The following CSMD3 variants were observed in gnomAD, a reference collection of about 807,000 sequenced individuals.
CSMD3 encodes CUB and Sushi multiple domains 3, also known as CUB and sushi domain-containing protein 3.
In CSMD3, 177 loss-of-function variants were observed where a neutral mutation model predicts 435.2. That is an observed-to-expected ratio of 0.41 (90% CI 0.36 to 0.46). The LOEUF (loss-of-function observed/expected upper bound fraction) is 0.46, where lower values mean the gene tolerates loss of function less well. Among genes scored for constraint, CSMD3 ranks in the 20% least tolerant of loss-of-function variants. CSMD3 has a pLI of 0.34. For missense variants in CSMD3, 4,265 were observed against 4,504.6 expected (o/e 0.95, Z 1.52); for synonymous variants, 1,656 against 1,520.5 (o/e 1.09, Z -2.07).
chr8:112,551,402 CTGTTT>C (rs1469817468), intron 26 of CSMD3, among the ~76,000 whole-genome samples: 2 of 151,990 alleles, frequency 1.3e-5, no homozygotes, highest in African/African-American at 2.4e-5. Flanking sequence ...TAAATCTATT[CTGTTT>C]TAAGTTTAAG....
chr8:112,870,819 A>AG (rs1420296739), intron 10 of CSMD3, among the ~76,000 whole-genome samples: 1 of 151,438 alleles, frequency 6.6e-6, no homozygotes, highest in Non-Finnish European at 1.5e-5. Flanking sequence ...ATTATATTCT[A>AG]GAAAAAAAAA....
intron 27 of CSMD3, among the ~76,000 whole-genome samples, chr8:112,537,906 C>CAAAG (rs1186205193): frequency 6.6e-6 from 1 of 151,920 alleles, no homozygotes; most frequent in Non-Finnish European, 1.5e-5. Context: ...ATACCAAAAC[C>CAAAG]AAAGACACAG....
intron 60 of CSMD3, 70 bp downstream of exon 60, chr8:112,265,335 CTTTAAA>C (rs1816836281): frequency 2.0e-5 from 23 of 1,122,204 alleles, no homozygotes; most frequent in Non-Finnish European, 2.7e-5. Context: ...TTTAAGTATA[CTTTAAA>C]TTTGTATATA....
chr8:112,784,236 G>C (rs1326657887), intron 13 of CSMD3, among the ~76,000 whole-genome samples: 1 of 151,882 alleles, frequency 6.6e-6, no homozygotes, highest in Non-Finnish European at 1.5e-5. Flanking sequence ...TGAAACAAAT[G>C]ATAATGGAAA....
chr8:113,340,902 C>T (rs1166904601), intron 1 of CSMD3, among the ~76,000 whole-genome samples: 1 of 151,754 alleles, frequency 6.6e-6, no homozygotes, highest in Non-Finnish European at 1.5e-5. Context: ...TTGTCTACTC[C>T]ACCAGTGCCA....
At chr8:113,171,643 A>G (rs760515003) in intron 4 of CSMD3, among the ~76,000 whole-genome samples, 12 of 152,276 alleles carry the variant, frequency 7.9e-5, no homozygotes, top group Middle Eastern at 6.8e-3. Flanking sequence ...CAGAGACACA[A>G]ATTATTTTGG....
At chr8:112,643,194 A>G (rs1040197379) in intron 20 of CSMD3, among the ~76,000 whole-genome samples, 1 of 152,146 alleles carries the variant, frequency 6.6e-6, no homozygotes, top group African/African-American at 2.4e-5. Context: ...TCCAGAGAGC[A>G]GAACAGGGAT....
chr8:113,205,922 T>C (rs2092766138), intron 3 of CSMD3, among the ~76,000 whole-genome samples: 1 of 150,758 alleles, frequency 6.6e-6, no homozygotes, highest in South Asian at 2.1e-4. Flanking sequence ...ATAATCATCT[T>C]TTTTTTTTGT....
intron 11 of CSMD3, among the ~76,000 whole-genome samples, chr8:112,845,116 C>A (rs1482151747): frequency 6.6e-6 from 1 of 151,958 alleles, no homozygotes; most frequent in Non-Finnish European, 1.5e-5. Flanking sequence ...CTAGAAAGAG[C>A]TAAAACACAT....
Position 112,244,588 on chromosome 8 carries a change from G to C in CSMD3, c.10223-15C>G. The C allele has an allele frequency of 6.2e-7, 1 of 1,611,290 alleles. No individual in the cohort carries two copies. The highest frequency in any genetic ancestry group is 8.5e-7 in the Non-Finnish European group (1 of 1,177,696). ...ACAGCTGTGGGCTATATTAAGAAAA[G>C]AGAACAATGTAAATTTTCTATAGAT... On this transcript the variant is annotated splice_polypyrimidine_tract_variant and intron_variant, in intron 64 of 70. Coordinates refer to ENST00000297405, the MANE Select transcript of CSMD3 (RefSeq NM_198123.2).
At chr8:112,488,729 A>C (rs2130832893) in intron 31 of CSMD3, among the ~76,000 whole-genome samples, 1 of 152,306 alleles carries the variant, frequency 6.6e-6, no homozygotes, top group Non-Finnish European at 1.5e-5. Context: ...CACTAGAATA[A>C]CCCCAAATAA....
Position 113,185,768 on chromosome 8 carries a change from C to T in CSMD3, c.515-11852G>A, listed in dbSNP as rs114284678. On this transcript the variant is annotated intron_variant, in intron 3 of 70. Transcript: ENST00000297405. The stretch of plus-strand genomic sequence containing the variant: ...GCATGCGTGTGTGTGTGCATGTGCA[C>T]GCGTGCGTGTATATGTGTGTTGTAA... 5.8e-3 allele frequency among the ~76,000 whole-genome samples: 874 copies of T among 151,966 alleles called. 11 individuals carry two copies. The highest frequency in any genetic ancestry group is 0.019 in the African/African-American group (771 of 41,458).
At position 112,686,937 on chromosome 8, in the gene CSMD3, A is replaced by T. The variant is rs1052586237; in HGVS notation, c.2156-1205T>A. 9.2e-5 allele frequency among the ~76,000 whole-genome samples: 14 copies of T among 152,264 alleles called. No individual in the cohort carries two copies. In the East Asian group the frequency reaches 2.7e-3, roughly 29 times the overall value. ...CTCTCCTCCATTAATTTATATGGAC[A>T]TATAAACATTAATTGAACTGTTCTT... is the stretch of plus-strand genomic sequence containing the variant. On this transcript the variant is annotated intron_variant, in intron 14 of 70. Coordinates refer to ENST00000297405, the MANE Select transcript of CSMD3 (RefSeq NM_198123.2).
intron 13 of CSMD3, among the ~76,000 whole-genome samples, chr8:112,771,800 A>G (rs1013278022): frequency 1.3e-5 from 2 of 152,050 alleles, no homozygotes; most frequent in Non-Finnish European, 2.9e-5. Context: ...GCATTCTTAA[A>G]CCATAAACAT....
chr8:112,596,646 A>C (rs201859238), intron 22 of CSMD3, among the ~76,000 whole-genome samples: 7,152 of 150,842 alleles, frequency 0.047, 248 homozygotes, highest in East Asian at 0.13. Flanking sequence ...TGTAAAAGAA[A>C]AGAGATTATA....
intron 9 of CSMD3, among the ~76,000 whole-genome samples, chr8:112,941,845 C>T (rs1212173838): frequency 1.3e-5 from 2 of 151,476 alleles, no homozygotes; most frequent in African/African-American, 4.8e-5. Context: ...ACAGAGGGTT[C>T]CCAAACACTA....
At chr8:113,315,823 A>G (rs964518254) in intron 1 of CSMD3, among the ~76,000 whole-genome samples, 3 of 151,598 alleles carry the variant, frequency 2.0e-5, no homozygotes, top group Non-Finnish European at 4.4e-5. Flanking sequence ...GGTTCAAGTG[A>G]TTCTCCAGCC....
At chr8:113,386,165 T>A (rs1264863261) in intron 1 of CSMD3, among the ~76,000 whole-genome samples, 1 of 151,988 alleles carries the variant, frequency 6.6e-6, no homozygotes. Context: ...CAGGAGAAGA[T>A]GTGCCAGTGT....
chr8:112,541,223 G>A (rs555110433), intron 27 of CSMD3, among the ~76,000 whole-genome samples: 3 of 151,716 alleles, frequency 2.0e-5, no homozygotes, highest in East Asian at 3.9e-4. Flanking sequence ...CTCCTTCAAC[G>A]AACTAGAAGA....
Sources: allele counts gnomAD v4.1 joint callset (sites outside exome capture counted in the v4.1 genomes callset), GRCh38; gene constraint gnomAD v4.1.1; transcripts MANE v1.5; gene names NCBI Gene and HGNC (gene_info 2026-07-23, HGNC 2026-07-21).